The following ZNF662 variants were observed in gnomAD, a reference collection of about 807,000 sequenced individuals.
ZNF662 encodes zinc finger protein 662.
A neutral mutation model predicts 12.4 loss-of-function variants in ZNF662; 14 were observed. The ratio of observed to expected loss-of-function variants is 1.13; its 90% CI spans 0.75 to 1.77. ZNF662 has a LOEUF of 1.77. Ranked by LOEUF, ZNF662 falls within the 40% of genes most tolerant of loss-of-function variation. The pLI, the probability that ZNF662 is intolerant of heterozygous loss-of-function variation, is 0.00. For missense variants in ZNF662, 550 were observed against 515.6 expected (o/e 1.07, Z -0.65); for synonymous variants, 184 against 176.4 (o/e 1.04, Z -0.34).
chr3:42,915,101 G>A lies in ZNF662; in HGVS notation c.1028G>A (p.Trp343Ter). ...AAGGACTGTGGGAAGGGCTTCATGTGGAACTCAGATCTTTCTCAGCACCAG... is the reference window on the plus strand; with the variant it reads ...AAGGACTGTGGGAAGGGCTTCATGTAGAACTCAGATCTTTCTCAGCACCAG... ...ECKDCGKGFM[W>*]NSDLSQHQRV... The change falls in exon 5 of 5, where the codon TGG (tryptophan) becomes TAG (stop). Residue 343 changes from tryptophan to a stop codon, truncating the protein, a stop_gained. Coordinates refer to ENST00000440367, the MANE Select transcript of ZNF662 (RefSeq NM_207404.4). LOFTEE classifies it low-confidence loss of function (END_TRUNC). 1 of 1,614,058 alleles carries A rather than the reference G, an allele frequency of 6.2e-7. No homozygotes were observed. The highest frequency in any genetic ancestry group is 8.5e-7 in the Non-Finnish European group (1 of 1,179,982).
At position 42,914,965 on chromosome 3, in the gene ZNF662, C is replaced by T. The variant is rs1437149517; in HGVS notation, c.892C>T (p.His298Tyr). Residue 298 changes from histidine (H) to tyrosine (Y), a missense_variant, in exon 5 of 5, where the codon CAC (histidine) becomes TAC (tyrosine). Physicochemically the swap from His to Tyr is moderately conservative, Grantham distance 83. Transcript: ENST00000440367. ...AAGCCTTACGCAACATCAACGGATC[C>T]ACACTGGTGAGAAACCATACACATG... ...NTSLTQHQRI[H>Y]TGEKPYTCKE... 1 of 1,613,466 alleles carries T rather than the reference C, an allele frequency of 6.2e-7. No individual in the cohort carries two copies. The highest frequency in any genetic ancestry group is 1.1e-5 in the South Asian group (1 of 91,020).
At chr3:42,907,389 C>T (rs1453997237) in intron 1 of ZNF662, among the ~76,000 whole-genome samples, 1 of 152,064 alleles carries the variant, frequency 6.6e-6, no homozygotes, top group East Asian at 1.9e-4. Context: ...CCCTAGCTGC[C>T]TCTGTGGCTG....
intron 3 of ZNF662, among the ~76,000 whole-genome samples, chr3:42,912,683 A>ATT (rs2088834098): frequency 5.3e-5 from 1 of 18,786 alleles, no homozygotes; most frequent in Non-Finnish European, 1.3e-4. Flanking sequence ...ATATATATAA[A>ATT]TATATATATA....
chr3:42,913,297 G>A lies in ZNF662; in HGVS notation c.248G>A (p.Cys83Tyr), dbSNP rs891842073. Residue 83 changes from cysteine to tyrosine, a missense_variant, in exon 4 of 5, where the codon TGT (cysteine) becomes TAT (tyrosine). By Grantham distance (194) the Cys-to-Tyr change is radical (BLOSUM62 -2). Coordinates refer to ENST00000440367, the MANE Select transcript of ZNF662 (RefSeq NM_207404.4). ...CAAGGAGAGGGTCCAAGCCTGATTT[G>A]TCCGGGTAAGTGAGAGGGAAATGAG... is the stretch of plus-strand genomic sequence containing the variant. The part of the protein sequence containing the change: ...KLQGEGPSLI[C>Y]PEGVLKRKKE... The A allele has an allele frequency of 6.2e-7, 1 of 1,611,940 alleles. No homozygotes were observed. Among genetic ancestry groups the A allele is most frequent in the Non-Finnish European group, 8.5e-7 (1 of 1,178,126 alleles).
Position 42,914,488 on chromosome 3 carries a change from C to G in ZNF662, c.415C>G (p.Pro139Ala), listed in dbSNP as rs2088874271. Reference sequence around the variant, plus strand: ...AGAGAAAAGCAGGTTAGGGAGATGGCCTGGTTACCTCAATGGGGGACGTAT... The same window carrying G: ...AGAGAAAAGCAGGTTAGGGAGATGGGCTGGTTACCTCAATGGGGGACGTAT... ...CEEKSRLGRW[P>A]GYLNGGRMES... is the part of the protein sequence containing the mutation. Residue 139 changes from proline to alanine, a missense_variant, in exon 5 of 5, where the codon CCT becomes GCT. Coordinates refer to ENST00000440367, the MANE Select transcript of ZNF662 (RefSeq NM_207404.4). 1.2e-6 allele frequency: 2 copies of G among 1,613,774 alleles called. No individual in the cohort carries two copies. The highest frequency in any genetic ancestry group is 1.1e-5 in the South Asian group (1 of 91,058).
intron 2 of ZNF662, chr3:42,908,464 C>G: frequency 8.1e-7 from 1 of 1,237,786 alleles, no homozygotes; most frequent in Non-Finnish European, 1.0e-6. Context: ...TTGCAAGATC[C>G]AGCCTAATTC....
Position 42,915,391 on chromosome 3 carries a change from T to C in ZNF662, c.*37T>C, listed in dbSNP as rs754580117. On this transcript the variant is annotated 3_prime_UTR_variant, in exon 5 of 5. Coordinates refer to ENST00000440367, the MANE Select transcript of ZNF662 (RefSeq NM_207404.4). Reference sequence around the variant, plus strand: ...TGGTGATACTTGTTTATAATTCTTATGCTGCAGGAACCCTAGAGACAAAAT... The same window carrying C: ...TGGTGATACTTGTTTATAATTCTTACGCTGCAGGAACCCTAGAGACAAAAT... The C allele has an allele frequency of 2.0e-6, 3 of 1,514,646 alleles. No individual in the cohort carries two copies. The Middle Eastern group carries it at 5.3e-4, about 269-fold the overall frequency. 93.8% of individuals were successfully genotyped at this position (1,514,646 alleles called of 1,614,324 possible).
Position 42,917,036 on chromosome 3 carries a change from T to C in ZNF662, c.*1682T>C, listed in dbSNP as rs2088902528. The stretch of plus-strand genomic sequence containing the variant: ...AGATAAAACAAACACGAGGAACATG[T>C]AGCGTCTACACAGGAAAGTAAAGAA... On this transcript the variant is annotated 3_prime_UTR_variant, in exon 5 of 5. Transcript: ENST00000440367. 2 of 155,460 alleles carry C rather than the reference T, an allele frequency of 1.3e-5. No individual in the cohort carries two copies. Among genetic ancestry groups the C allele is most frequent in the Non-Finnish European group, 2.8e-5 (2 of 70,576 alleles). The allele number at this position is 155,460 out of a possible 1,614,324, so 9.6% of individuals were successfully genotyped here. A position where few individuals can be genotyped will look rare whatever the true frequency, so the allele number is the denominator to read the frequency against.
Position 42,906,799 on chromosome 3 carries a change from G to A in ZNF662, c.-94+631G>A, listed in dbSNP as rs1232492871. ...GGAAGAACTGGATATTCAGGCAAGA[G>A]TAGCCGCAGGTGCAAGGACACAGAA... On this transcript the variant is annotated intron_variant, in intron 1 of 4. Transcript: ENST00000440367. This position sits in a 1 kb window ranked among gnomAD's most constrained non-coding sequence, Gnocchi z 4.4. 2.0e-5 allele frequency among the ~76,000 whole-genome samples: 3 copies of A among 152,214 alleles called. No individual in the cohort carries two copies. The highest frequency in any genetic ancestry group is 4.4e-5 in the Non-Finnish European group (3 of 68,044).
At chr3:42,908,336 AG>A in intron 2 of ZNF662, 188 bp downstream of exon 2, 2 of 1,376,430 alleles carry the variant, frequency 1.5e-6, no homozygotes, top group Non-Finnish European at 1.9e-6. Flanking sequence ...GGCCTTATAC[AG>A]GACTTCCTTG....
chr3:42,914,578 A>G lies in ZNF662; in HGVS notation c.505A>G (p.Ser169Gly). ...VKDEMISVEE[S>G]SGNTDVNNLL... ...GGATGAGATGATCTCAGTAGAAGAG[A>G]GTTCAGGGAATACTGATGTCAATAA... Residue 169 changes from serine (S) to glycine (G), a missense_variant, in exon 5 of 5, where the codon AGT becomes GGT. Physicochemically the swap from Ser to Gly is moderately conservative, Grantham distance 56 (BLOSUM62 0). Coordinates refer to ENST00000440367, the MANE Select transcript of ZNF662 (RefSeq NM_207404.4). The G allele has an allele frequency of 1.2e-6, 2 of 1,614,148 alleles. No homozygotes were observed. The highest frequency in any genetic ancestry group is 2.2e-5 in the South Asian group (2 of 91,072).
intron 4 of ZNF662, among the ~76,000 whole-genome samples, chr3:42,913,673 A>G (rs1258903442): frequency 6.6e-6 from 1 of 152,184 alleles, no homozygotes; most frequent in Admixed American, 6.5e-5. Flanking sequence ...AAGGACTCAC[A>G]GTCTCATGGG....
chr3:42,912,696 TTATATATATAAATATATATATATA>T (rs1575413519), intron 3 of ZNF662, among the ~76,000 whole-genome samples: 10 of 42,580 alleles, frequency 2.3e-4, no homozygotes, highest in Admixed American at 3.6e-4. Context: ...TATATATATT[TTATATATATAAATATATATATATA>T]TTTTTTATAT....
At position 42,917,644 on chromosome 3, in the gene ZNF662, T is replaced by TA; in HGVS notation, c.*2291dup. 2 of 672,856 alleles carry TA rather than the reference T, an allele frequency of 3.0e-6. No individual in the cohort carries two copies. The highest frequency in any genetic ancestry group is 5.3e-6 in the Non-Finnish European group (2 of 375,834). The allele number at this position is 672,856 out of a possible 1,614,324, so 41.7% of individuals were successfully genotyped here. ...GCCAATAAACATCTGTCAAACGAGT[T>TA]AGAGTTGAGTTTTCTGTTATTTGCA... On this transcript the variant is annotated 3_prime_UTR_variant, in exon 5 of 5. Transcript: ENST00000440367.
intron 3 of ZNF662, among the ~76,000 whole-genome samples, chr3:42,909,219 G>C (rs1024387074): frequency 3.3e-5 from 5 of 152,150 alleles, no homozygotes; most frequent in Admixed American, 1.3e-4. Flanking sequence ...GCCGCCTTCC[G>C]TAGTGTTTGT....
At chr3:42,909,163 TAAACATGTGAAC>T (rs1187789543) in intron 3 of ZNF662, among the ~76,000 whole-genome samples, 3 of 152,196 alleles carry the variant, frequency 2.0e-5, no homozygotes, top group Non-Finnish European at 4.4e-5. Flanking sequence ...GGTCAGCAGA[TAAACATGTGAAC>T]AAAGGTCTCT....
Position 42,917,337 on chromosome 3 carries a change from G to C in ZNF662, c.*1983G>C. ...AGGAGATACTGGCTCTTCTGGAAAA[G>C]AGAGGCTTTTCTTCATCGAGAGCTA... On this transcript the variant is annotated 3_prime_UTR_variant, in exon 5 of 5. Transcript: ENST00000440367. 8.3e-6 allele frequency: 5 copies of C among 599,140 alleles called. No homozygotes were observed. In the South Asian group the frequency reaches 1.1e-4, roughly 13 times the overall value. The allele number at this position is 599,140 out of a possible 1,614,324, so 37.1% of individuals were successfully genotyped here. A position where few individuals can be genotyped will look rare whatever the true frequency, so the allele number is the denominator to read the frequency against.
At position 42,914,805 on chromosome 3, in the gene ZNF662, G is replaced by A. The variant is rs765839559; in HGVS notation, c.732G>A (p.Gly244=). The A allele has an allele frequency of 1.2e-5, 19 of 1,613,668 alleles. 1 individual carries two copies. In the East Asian group the frequency reaches 4.0e-4, roughly 34 times the overall value. The stretch of plus-strand genomic sequence containing the variant: ...TTGCACATCAGAGAATTCACAGTGG[G>A]GTGAAACCCTATGAATGTCAAGAAT... ...HCIAHQRIHS[G]VKPYECQECA... Residue 244 remains glycine (G), a synonymous_variant, in exon 5 of 5, where the codon GGG becomes GGA. Coordinates refer to ENST00000440367, the MANE Select transcript of ZNF662 (RefSeq NM_207404.4).
intron 3 of ZNF662, chr3:42,912,109 T>A (rs1017625917): frequency 6.7e-5 from 10 of 148,516 alleles, no homozygotes; most frequent in African/African-American, 2.5e-4. Context: ...CTGATGGAAT[T>A]ACAACTTCTC....
Sources: gnomAD v4.1 joint callset for allele counts (sites outside exome capture counted in the v4.1 genomes callset) on GRCh38, gnomAD v4.1.1 for gene constraint, Gnocchi (gnomAD v3.1) non-coding constraint, MANE v1.5 for transcripts, NCBI Gene and HGNC (gene_info 2026-07-23, HGNC 2026-07-21) for gene names.